The following VGLL4 variants were observed in gnomAD, a reference collection of about 807,000 sequenced individuals.
VGLL4 encodes the protein vestigial like family member 4, also known as transcription cofactor vestigial-like protein 4.
VGLL4 carries 7 observed loss-of-function variants against 21.0 expected under a neutral mutation model. The observed-to-expected ratio is 0.33, with a 90% CI of 0.19 to 0.63. The LOEUF (loss-of-function observed/expected upper bound fraction) is 0.63. VGLL4 is among the 20% of genes least tolerant of loss of function. The pLI, the probability that VGLL4 is intolerant of heterozygous loss-of-function variation, is 0.78. For synonymous variants in VGLL4, 222 were observed against 173.2 expected (o/e 1.28, Z -2.21); for missense variants, 394 against 425.7 (o/e 0.93, Z 0.66).
intron 2 of VGLL4, among the ~76,000 whole-genome samples, chr3:11,674,481 A>G (rs548019209): frequency 9.8e-5 from 15 of 152,308 alleles, no homozygotes; most frequent in Middle Eastern, 3.4e-3. Flanking sequence ...GAGATCAGCA[A>G]TTATTAGCTG....
intron 1 of VGLL4, among the ~76,000 whole-genome samples, chr3:11,615,899 G>T (rs2075152842): frequency 6.6e-6 from 1 of 152,148 alleles, no homozygotes; most frequent in East Asian, 1.9e-4. Flanking sequence ...TTGAATAAGG[G>T]ACCTGTATGG....
chr3:11,627,224 A>T (rs2075367551), intron 1 of VGLL4: 1 of 130,672 alleles, frequency 7.7e-6, no homozygotes, highest in African/African-American at 3.4e-5. Context: ...ACACACACAC[A>T]CACACACTCT....
intron 2 of VGLL4, chr3:11,702,731 C>CAAAAAAAAAAA (rs370716518): frequency 1.5e-5 from 2 of 129,988 alleles, no homozygotes; most frequent in Admixed American, 1.1e-4. Context: ...GATCCCATCT[C>CAAAAAAAAAAA]AAAAAAAAAA....
rs983221455 is a variant in VGLL4, at chr3:11,719,885, C to T, written c.-14+509G>A. Among the ~76,000 whole-genome samples the T allele has an allele frequency of 6.6e-6, 1 of 152,074 alleles. No individual in the cohort carries two copies. The highest frequency in any genetic ancestry group is 1.5e-5 in the Non-Finnish European group (1 of 67,976). On this transcript the variant is annotated intron_variant, in intron 1 of 5. Transcript: ENST00000273038. This position sits in a 1 kb window ranked among gnomAD's most constrained non-coding sequence, Gnocchi z 4.0. The stretch of plus-strand genomic sequence containing the variant: ...GTGAGGTTTGTCGGGGCGGGCGCTC[C>T]CGAGAGGCGCCAGCGGGCAGGGCGA...
At chr3:11,642,382 G>T (rs570567225) in intron 1 of VGLL4, among the ~76,000 whole-genome samples, 1 of 152,134 alleles carries the variant, frequency 6.6e-6, no homozygotes, top group African/African-American at 2.4e-5. Context: ...AAACAGGCCT[G>T]AAGTTTTTAG....
At chr3:11,679,262 A>C (rs1169756282) in intron 2 of VGLL4, among the ~76,000 whole-genome samples, 2 of 152,168 alleles carry the variant, frequency 1.3e-5, no homozygotes, top group Non-Finnish European at 2.9e-5. Context: ...CAGTGGGACA[A>C]AATGTGGAGG....
chr3:11,659,986 CCT>C (rs2076015477), intron 2 of VGLL4, among the ~76,000 whole-genome samples: 2 of 151,942 alleles, frequency 1.3e-5, no homozygotes, highest in South Asian at 4.2e-4. Flanking sequence ...ACGGTGAAAC[CCT>C]GTCTCTACTA....
chr3:11,562,622 CT>C, intron 3 of VGLL4, among the ~76,000 whole-genome samples: 1 of 152,368 alleles, frequency 6.6e-6, no homozygotes, highest in South Asian at 2.1e-4. Flanking sequence ...CCGAGCCCAG[CT>C]CGGATTGGTG....
intron 2 of VGLL4, among the ~76,000 whole-genome samples, chr3:11,682,889 A>C (rs2076396339): frequency 6.6e-6 from 1 of 152,116 alleles, no homozygotes; most frequent in African/African-American, 2.4e-5. Context: ...TCTGCATGGA[A>C]GTCTTCAAAG....
intron 2 of VGLL4, among the ~76,000 whole-genome samples, chr3:11,651,201 A>T (rs966376482): frequency 6.6e-6 from 1 of 151,910 alleles, no homozygotes; most frequent in African/African-American, 2.4e-5. Flanking sequence ...AAATTAGCCA[A>T]GTGTGGTGGC....
chr3:11,604,076 CTG>C (rs2074871005), intron 1 of VGLL4, among the ~76,000 whole-genome samples: 1 of 152,118 alleles, frequency 6.6e-6, no homozygotes, highest in Non-Finnish European at 1.5e-5. Context: ...TCAGAAAACA[CTG>C]GAGATTTCTA....
At chr3:11,686,967 A>AT (rs2076458207) in intron 2 of VGLL4, among the ~76,000 whole-genome samples, 1 of 152,216 alleles carries the variant, frequency 6.6e-6, no homozygotes, top group African/African-American at 2.4e-5. Context: ...ATTTGTTTAT[A>AT]TACATACATA....
chr3:11,717,089 ACCCTGCCTTCTTGT>A (rs1479041776), intron 1 of VGLL4, among the ~76,000 whole-genome samples: 12 of 151,618 alleles, frequency 7.9e-5, no homozygotes, highest in African/African-American at 2.9e-4. Context: ...AGAAGGCAAT[ACCCTGCCTTCTTGT>A]TTGAGCTCTC....
At chr3:11,596,986 C>T (rs1398875101) in intron 2 of VGLL4, among the ~76,000 whole-genome samples, 1 of 152,088 alleles carries the variant, frequency 6.6e-6, no homozygotes, top group Non-Finnish European at 1.5e-5. Flanking sequence ...AGGTAGGCTA[C>T]AAGATGAGCC....
chr3:11,701,689 G>T (rs941180627), intron 2 of VGLL4, among the ~76,000 whole-genome samples: 2 of 152,186 alleles, frequency 1.3e-5, no homozygotes, highest in South Asian at 2.1e-4. Flanking sequence ...AAGTCTAACA[G>T]CCAGTAGAGA....
intron 3 of VGLL4, among the ~76,000 whole-genome samples, chr3:11,562,736 C>T (rs188275792): frequency 6.6e-6 from 1 of 152,388 alleles, no homozygotes; most frequent in Admixed American, 6.5e-5. Context: ...GAGGGCAGGA[C>T]TGACCAACCC....
At chr3:11,591,942 T>C (rs759924323) in intron 2 of VGLL4, among the ~76,000 whole-genome samples, 3 of 152,242 alleles carry the variant, frequency 2.0e-5, no homozygotes, top group Non-Finnish European at 4.4e-5. Flanking sequence ...AGTTTCCACA[T>C]TAGTAATTTA....
At chr3:11,564,221 A>C (rs564283786) in intron 3 of VGLL4, among the ~76,000 whole-genome samples, 1 of 152,208 alleles carries the variant, frequency 6.6e-6, no homozygotes, top group African/African-American at 2.4e-5. Context: ...AGCTGTGTTT[A>C]TTAAGCAATC....
At chr3:11,664,865 G>A (rs968524671) in intron 2 of VGLL4, among the ~76,000 whole-genome samples, 5 of 151,664 alleles carry the variant, frequency 3.3e-5, no homozygotes, top group African/African-American at 4.8e-5. Context: ...AATTCATCCA[G>A]CACGCCATGA....
Sources: allele counts gnomAD v4.1 joint callset (sites outside exome capture counted in the v4.1 genomes callset), GRCh38; gene constraint gnomAD v4.1.1; non-coding constraint Gnocchi (gnomAD v3.1); transcripts MANE v1.5; gene names NCBI Gene and HGNC (gene_info 2026-07-23, HGNC 2026-07-21).